FAM222B: variants seen among roughly 807,000 people sequenced by gnomAD.
The protein encoded by FAM222B is family with sequence similarity 222 member B, also known as protein FAM222B.
In FAM222B, 12 loss-of-function variants were observed where a neutral mutation model predicts 38.0. The observed-to-expected ratio is 0.32, with a 90% CI of 0.20 to 0.51. FAM222B has a LOEUF of 0.51. Ranked by LOEUF, FAM222B falls within the 20% of genes least tolerant of loss-of-function variation. The pLI, the probability that FAM222B is intolerant of heterozygous loss-of-function variation, is 0.97. For missense variants in FAM222B, 716 were observed against 754.2 expected (o/e 0.95, Z 0.59); for synonymous variants, 329 against 317.2 (o/e 1.04, Z -0.40).
chr17:28,839,931 C>T (rs1327977202), intron 1 of FAM222B, among the ~76,000 whole-genome samples: 1 of 151,482 alleles, frequency 6.6e-6, no homozygotes, highest in Non-Finnish European at 1.5e-5. Context: ...CTTCAAGAAT[C>T]TAGTATAGCC....
intron 1 of FAM222B, among the ~76,000 whole-genome samples, chr17:28,779,246 C>G (rs541802059): frequency 2.0e-4 from 30 of 152,232 alleles, no homozygotes; most frequent in Admixed American, 9.8e-4. Flanking sequence ...AATTACAGGT[C>G]AATATCCCTG....
intron 1 of FAM222B, among the ~76,000 whole-genome samples, chr17:28,789,411 C>A (rs1597922186): frequency 6.6e-6 from 1 of 151,964 alleles, no homozygotes; most frequent in African/African-American, 2.4e-5. Context: ...CTTAGCCAGG[C>A]TGGTCTTGAA....
upstream of FAM222B, among the ~76,000 whole-genome samples, chr17:28,844,854 A>G (rs972142288): frequency 2.6e-4 from 39 of 152,204 alleles, no homozygotes; most frequent in African/African-American, 8.9e-4. Flanking sequence ...TAAACCCAGC[A>G]CTTTGGGAGG....
chr17:28,813,152 CA>C lies in FAM222B; in HGVS notation c.-41+29529del, dbSNP rs34840127. On this transcript the variant is annotated intron_variant, in intron 1 of 2. Coordinates refer to ENST00000581407, the MANE Select transcript of FAM222B (RefSeq NM_001077498.3). ...CAAAAAAAAAAAAAACACACACATA[CA>C]AAAAAAAAAAACACACATAGTTGGC... 4.2e-3 allele frequency among the ~76,000 whole-genome samples: 508 copies of C among 121,766 alleles called. 3 individuals carry two copies. Among genetic ancestry groups the C allele is most frequent in the African/African-American group, 9.2e-3 (296 of 32,228 alleles). 79.9% of individuals were successfully genotyped at this position (121,766 alleles called of 152,430 possible).
At chr17:28,835,521 G>T (rs1288233630) in intron 1 of FAM222B, among the ~76,000 whole-genome samples, 1 of 152,052 alleles carries the variant, frequency 6.6e-6, no homozygotes, top group African/African-American at 2.4e-5. Context: ...CCTAGTTATG[G>T]CTTACTGGTA....
intron 2 of FAM222B, among the ~76,000 whole-genome samples, chr17:28,761,145 T>C (rs2035053937): frequency 6.6e-6 from 1 of 152,206 alleles, no homozygotes; most frequent in African/African-American, 2.4e-5. Flanking sequence ...TGTGCCTCAT[T>C]AATGTTAACA....
chr17:28,792,241 G>A (rs2036728200), intron 1 of FAM222B, among the ~76,000 whole-genome samples: 1 of 151,486 alleles, frequency 6.6e-6, no homozygotes, highest in South Asian at 2.1e-4. Flanking sequence ...GAACCTGGGA[G>A]GCGGAGCTTG....
upstream of FAM222B, chr17:28,842,800 C>T (rs1257464013): frequency 6.5e-6 from 1 of 152,734 alleles, no homozygotes. Flanking sequence ...TACCCGGAGC[C>T]GCTCCTGCGC....
In FAM222B at chr17:28,760,716, G is replaced by A. The variant is rs148841392; in HGVS notation, c.83-840C>T. Among the ~76,000 whole-genome samples the A allele has an allele frequency of 3.0e-4, 45 of 152,268 alleles. 1 individual carries two copies. In the Middle Eastern group the frequency reaches 0.014, roughly 46 times the overall value. On this transcript the variant is annotated intron_variant, in intron 2 of 2. Coordinates refer to ENST00000581407, the MANE Select transcript of FAM222B (RefSeq NM_001077498.3). ...CAGTCTAGAGGGTACCCAGAGCTAC[G>A]ACTCTTCAGTCTGCAGGGACCAATG...
In FAM222B at chr17:28,759,785, A is replaced by G; in HGVS notation, c.174T>C (p.Thr58=). 1 of 1,612,468 alleles carries G rather than the reference A, an allele frequency of 6.2e-7. No individual in the cohort carries two copies. Among genetic ancestry groups the G allele is most frequent in the South Asian group, 1.1e-5 (1 of 90,706 alleles). ...TCACACTGTTGGGGAAGATTTTTATAGTCAGTGGGTTGTTTGCGACCTTCT... is the reference window on the plus strand; with the variant it reads ...TCACACTGTTGGGGAAGATTTTTATGGTCAGTGGGTTGTTTGCGACCTTCT... ...YAKKVANNPL[T]IKIFPNSVKV... The change falls in exon 3 of 3, where the codon ACT becomes ACC. Residue 58 remains threonine (T), a synonymous_variant. Coordinates refer to ENST00000581407, the MANE Select transcript of FAM222B (RefSeq NM_001077498.3). This position sits in a 1 kb window ranked among gnomAD's most constrained non-coding sequence, Gnocchi z 4.8.
At position 28,825,007 on chromosome 17, in the gene FAM222B, G is replaced by A. The variant is rs189285416; in HGVS notation, c.-41+17675C>T. 2.7e-3 allele frequency among the ~76,000 whole-genome samples: 411 copies of A among 151,976 alleles called. 1 individual carries two copies. Among genetic ancestry groups the A allele is most frequent in the African/African-American group, 9.4e-3 (390 of 41,492 alleles). ...CTCGAACTCCTGACCTCGGTGATCC[G>A]CCCGCCTTGGCCTCCCAAAGTGCTG... is the stretch of plus-strand genomic sequence containing the variant. On this transcript the variant is annotated intron_variant, in intron 1 of 2. Coordinates refer to ENST00000581407, the MANE Select transcript of FAM222B (RefSeq NM_001077498.3).
At chr17:28,765,060 A>G (rs1014833306) in intron 2 of FAM222B, among the ~76,000 whole-genome samples, 1 of 152,172 alleles carries the variant, frequency 6.6e-6, no homozygotes, top group Admixed American at 6.5e-5. Context: ...AAGATAAAGG[A>G]TGGGTTGAGA....
At chr17:28,842,330 G>C (rs2039071145) in intron 1 of FAM222B, among the ~76,000 whole-genome samples, 1 of 152,164 alleles carries the variant, frequency 6.6e-6, no homozygotes, top group South Asian at 2.1e-4. Context: ...TGGTTCAGAG[G>C]TGGCTTCTTA....
intron 1 of FAM222B, among the ~76,000 whole-genome samples, chr17:28,852,087 G>T (rs1257181163): frequency 6.6e-6 from 1 of 151,856 alleles, no homozygotes; most frequent in African/African-American, 2.4e-5. Context: ...AAGCAACGTG[G>T]CCTGGCGCGG....
chr17:28,842,195 C>A (rs979269407), intron 1 of FAM222B, among the ~76,000 whole-genome samples: 2 of 152,126 alleles, frequency 1.3e-5, no homozygotes, highest in Non-Finnish European at 2.9e-5. Flanking sequence ...TCCTTTCGAA[C>A]CTGCCTGACT....
At chr17:28,784,490 T>TCAAAAAA (rs2036304686) in intron 1 of FAM222B, among the ~76,000 whole-genome samples, 1 of 24,692 alleles carries the variant, frequency 4.0e-5, no homozygotes. Context: ...ATCCCCTCTC[T>TCAAAAAA]TAAAAAAAAA....
intron 1 of FAM222B, among the ~76,000 whole-genome samples, chr17:28,809,961 T>G (rs887483889): frequency 2.0e-5 from 3 of 152,064 alleles, no homozygotes; most frequent in Non-Finnish European, 2.9e-5. Context: ...CAGAAGCAAG[T>G]TGAAATTGTA....
At chr17:28,851,097 C>A (rs186635700) in intron 1 of FAM222B, among the ~76,000 whole-genome samples, 1 of 150,408 alleles carries the variant, frequency 6.6e-6, no homozygotes, top group East Asian at 2.0e-4. Flanking sequence ...CCAGCCTGGG[C>A]GACAGAGGGA....
chr17:28,801,885 T>C (rs541119206), intron 1 of FAM222B, among the ~76,000 whole-genome samples: 1 of 152,204 alleles, frequency 6.6e-6, no homozygotes, highest in African/African-American at 2.4e-5. Context: ...TGACTAATAA[T>C]GCTTATGCTT....
Sources: gnomAD v4.1 joint callset for allele counts (sites outside exome capture counted in the v4.1 genomes callset) on GRCh38, gnomAD v4.1.1 for gene constraint, Gnocchi (gnomAD v3.1) non-coding constraint, MANE v1.5 for transcripts, NCBI Gene and HGNC (gene_info 2026-07-23, HGNC 2026-07-21) for gene names.